Variants in ROBO1 observed in about 807,000 individuals in gnomAD.
The protein encoded by ROBO1 is roundabout guidance receptor 1, also known as roundabout homolog 1.
ROBO1 carries 149 observed loss-of-function variants against 195.9 expected under a neutral mutation model. The ratio of observed to expected loss-of-function variants is 0.76; its 90% CI spans 0.67 to 0.87. The LOEUF is 0.87. ROBO1 is among the 40% of genes least tolerant of loss of function. The pLI is 0.00. For missense variants in ROBO1, 1,933 were observed against 2,068.3 expected (o/e 0.93, Z 1.27); for synonymous variants, 816 against 733.2 (o/e 1.11, Z -1.82).
At chr3:78,817,718 C>T (rs333502) in intron 4 of ROBO1, among the ~76,000 whole-genome samples, 144,778 of 152,268 alleles carry the variant, frequency 0.95, 69,281 homozygotes, top group East Asian at 1. Context: ...CAGGGAAGTT[C>T]AGCATCACAT....
At chr3:79,120,445 A>G (rs1364410594) in intron 3 of ROBO1, among the ~76,000 whole-genome samples, 1 of 152,216 alleles carries the variant, frequency 6.6e-6, no homozygotes, top group African/African-American at 2.4e-5. Flanking sequence ...TATCACAAGC[A>G]CATCCTAGTA....
Position 78,717,297 on chromosome 3 carries a change from C to T in ROBO1, c.895G>A (p.Asp299Asn), listed in dbSNP as rs2081925920. The T allele has an allele frequency of 6.3e-7, 1 of 1,582,864 alleles. No homozygotes were observed. Among genetic ancestry groups the T allele is most frequent in the Non-Finnish European group, 8.6e-7 (1 of 1,168,332 alleles). ...TACCTGGATTTGGGCAGCTCTCCAT[C>T]ATCTTTCCTCCATCGTACTGTAGGT... ...PVPTVRWRKDDGELPKSRYEI... is the reference protein window; with the variant it reads ...PVPTVRWRKDNGELPKSRYEI... The change falls in exon 7 of 31, where the codon GAT becomes AAT. Residue 299 changes from aspartate (D) to asparagine (N), a missense_variant. By Grantham distance (23) the Asp-to-Asn change is conservative. Coordinates refer to ENST00000464233, the MANE Select transcript of ROBO1 (RefSeq NM_002941.4).
intron 3 of ROBO1, among the ~76,000 whole-genome samples, chr3:79,098,429 A>T (rs188065030): frequency 6.6e-6 from 1 of 151,820 alleles, no homozygotes; most frequent in African/African-American, 2.4e-5. Flanking sequence ...TGTATTAGGC[A>T]TGCTGAAAAA....
At chr3:79,529,716 C>G (rs1941573119) in intron 2 of ROBO1, among the ~76,000 whole-genome samples, 1 of 152,076 alleles carries the variant, frequency 6.6e-6, no homozygotes, top group African/African-American at 2.4e-5. Context: ...CTGGAATTTT[C>G]CATTTAATAT....
At chr3:78,674,760 T>C (rs929458662) in intron 10 of ROBO1, among the ~76,000 whole-genome samples, 91 of 152,318 alleles carry the variant, frequency 6.0e-4, no homozygotes, top group Non-Finnish European at 8.7e-4. Flanking sequence ...TGAAAACCTT[T>C]GCTTTAAATT....
chr3:79,023,185 G>A (rs148198437), intron 3 of ROBO1, among the ~76,000 whole-genome samples: 1 of 152,248 alleles, frequency 6.6e-6, no homozygotes, highest in Non-Finnish European at 1.5e-5. Context: ...CACCAAGGCT[G>A]TGCTGAACAC....
At chr3:79,400,533 CAA>C (rs1220469866) in intron 2 of ROBO1, among the ~76,000 whole-genome samples, 1 of 151,964 alleles carries the variant, frequency 6.6e-6, no homozygotes. Context: ...ATTTTCATAA[CAA>C]GGGTAATTTT....
intron 2 of ROBO1, among the ~76,000 whole-genome samples, chr3:79,418,880 G>C (rs897727752): frequency 6.9e-4 from 105 of 152,106 alleles, no homozygotes; most frequent in African/African-American, 2.4e-3. Context: ...GGGCTTGGGG[G>C]ATGTATTAGA....
intron 3 of ROBO1, among the ~76,000 whole-genome samples, chr3:79,069,112 G>A (rs530909222): frequency 6.6e-6 from 1 of 151,624 alleles, no homozygotes; most frequent in East Asian, 2.0e-4. Flanking sequence ...ATCTCTTTCA[G>A]GATTTATAAC....
chr3:79,489,395 C>T (rs915895348), intron 2 of ROBO1, among the ~76,000 whole-genome samples: 9 of 152,018 alleles, frequency 5.9e-5, no homozygotes, highest in African/African-American at 1.9e-4. Flanking sequence ...GTGGCTAACG[C>T]CTGTAATCTC....
At chr3:79,448,157 T>C (rs1183132762) in intron 2 of ROBO1, among the ~76,000 whole-genome samples, 2 of 152,220 alleles carry the variant, frequency 1.3e-5, no homozygotes, top group African/African-American at 4.8e-5. Context: ...TTTAGGTTGA[T>C]AAATTTGCTC....
intron 5 of ROBO1, among the ~76,000 whole-genome samples, chr3:78,736,689 G>C (rs2108223547): frequency 6.6e-6 from 1 of 152,228 alleles, no homozygotes; most frequent in East Asian, 1.9e-4. Context: ...CTTTTTAATT[G>C]TATTGTCATC....
At chr3:78,800,306 A>C (rs897804686) in intron 4 of ROBO1, among the ~76,000 whole-genome samples, 1 of 152,208 alleles carries the variant, frequency 6.6e-6, no homozygotes, top group Admixed American at 6.5e-5. Context: ...CTGGTAATCA[A>C]GAAAATAGTG....
intron 1 of ROBO1, among the ~76,000 whole-genome samples, chr3:79,645,659 T>G (rs1159992617): frequency 6.6e-6 from 1 of 152,088 alleles, no homozygotes; most frequent in South Asian, 2.1e-4. Flanking sequence ...AGACCCCTAA[T>G]AGCCAAAGCA....
intron 1 of ROBO1, among the ~76,000 whole-genome samples, chr3:79,677,030 A>G (rs1022306467): frequency 2.0e-5 from 3 of 152,016 alleles, no homozygotes; most frequent in African/African-American, 7.2e-5. Flanking sequence ...TTCCAGATGG[A>G]ATACTGTAAT....
intron 1 of ROBO1, among the ~76,000 whole-genome samples, chr3:79,611,837 T>A (rs1331403956): frequency 2.6e-5 from 4 of 151,660 alleles, no homozygotes; most frequent in East Asian, 3.9e-4. Context: ...TGTATACCTA[T>A]GGAAAAAACC....
At chr3:78,898,264 TTTG>T (rs2037360044) in intron 4 of ROBO1, among the ~76,000 whole-genome samples, 1 of 150,696 alleles carries the variant, frequency 6.6e-6, no homozygotes, top group Non-Finnish European at 1.5e-5. Flanking sequence ...GAGATGTGTT[TTTG>T]TTAATTTTTT....
chr3:79,237,831 C>G (rs2082441290), intron 2 of ROBO1, among the ~76,000 whole-genome samples: 1 of 152,078 alleles, frequency 6.6e-6, no homozygotes, highest in Non-Finnish European at 1.5e-5. Context: ...CAAAAAATTT[C>G]AGTCATGGTC....
At chr3:79,101,478 G>A (rs911594754) in intron 3 of ROBO1, among the ~76,000 whole-genome samples, 1 of 151,844 alleles carries the variant, frequency 6.6e-6, no homozygotes, top group Non-Finnish European at 1.5e-5. Flanking sequence ...AATAATGAAT[G>A]TGACACCTGC....
Sources: gnomAD v4.1 joint callset for allele counts (sites outside exome capture counted in the v4.1 genomes callset) on GRCh38, gnomAD v4.1.1 for gene constraint, MANE v1.5 for transcripts, NCBI Gene and HGNC (gene_info 2026-07-23, HGNC 2026-07-21) for gene names.